PLG: variants seen among roughly 807,000 people sequenced by gnomAD.
The protein encoded by PLG is plasminogen, also known as plasmin.
PLG carries 41 observed loss-of-function variants against 104.4 expected under a neutral mutation model. That is an observed-to-expected ratio of 0.39 (90% CI 0.31 to 0.51). The LOEUF is 0.51. Among genes scored for constraint, PLG ranks in the 20% least tolerant of loss-of-function variants. The probability of loss-of-function intolerance (pLI) is 0.76; values close to 1 mark genes in which losing one functional copy is unlikely to be tolerated. For synonymous variants in PLG, 337 were observed against 357.1 expected (o/e 0.94, Z 0.63); for missense variants, 891 against 1,003.6 (o/e 0.89, Z 1.52).
In PLG at chr6:160,731,661, G is replaced by A; in HGVS notation, c.1439-84G>A. On this transcript the variant is annotated intron_variant, in intron 11 of 18. Transcript: ENST00000308192. The surrounding 1 kb of genome is among the most constrained non-coding windows in gnomAD (Gnocchi z 5.1). ...TGTGGCCCCTGATTCTGTCATCCTA[G>A]AGAAACCTGACATGACTGTATTGAT... The A allele has an allele frequency of 7.3e-7, 1 of 1,363,516 alleles. No individual in the cohort carries two copies. The highest frequency in any genetic ancestry group is 1.0e-6 in the Non-Finnish European group (1 of 952,910). The allele number at this position is 1,363,516 out of a possible 1,614,324, so 84.5% of individuals were successfully genotyped here. A position where few individuals can be genotyped will look rare whatever the true frequency, so the allele number is the denominator to read the frequency against.
At chr6:160,750,729 G>T (rs903687207) in intron 17 of PLG, among the ~76,000 whole-genome samples, 3 of 152,168 alleles carry the variant, frequency 2.0e-5, no homozygotes, top group African/African-American at 7.2e-5. Flanking sequence ...GCAGTCGAAG[G>T]CTTTGGGGAA....
intron 1 of PLG, among the ~76,000 whole-genome samples, chr6:160,704,591 T>C (rs1335166295): frequency 1.3e-5 from 2 of 152,202 alleles, no homozygotes; most frequent in African/African-American, 4.8e-5. Flanking sequence ...AAGTGCGGGG[T>C]AAAGACATGG....
intron 2 of PLG, among the ~76,000 whole-genome samples, chr6:160,706,951 T>TA (rs370504830): frequency 0.095 from 13,566 of 142,278 alleles, 959 homozygotes; most frequent in African/African-American, 0.2. Flanking sequence ...GATATAATGT[T>TA]AAAAAAAAAA....
chr6:160,727,386 C>T (rs554569116), intron 10 of PLG, among the ~76,000 whole-genome samples: 145 of 148,776 alleles, frequency 9.7e-4, no homozygotes, highest in Non-Finnish European at 3.4e-4. Flanking sequence ...TAAAAAAAAT[C>T]CAATTCTTCA....
Position 160,714,876 on chromosome 6 carries a change from C to T in PLG, c.630C>T (p.Asp210=). 1 of 1,613,714 alleles carries T rather than the reference C, an allele frequency of 6.2e-7. No individual in the cohort carries two copies. Among genetic ancestry groups the T allele is most frequent in the Non-Finnish European group, 8.5e-7 (1 of 1,179,660 alleles). The change falls in exon 6 of 19, where the codon GAC becomes GAT. Residue 210 remains aspartate, a synonymous_variant. Transcript: ENST00000308192. ...TMSGLECQAW[D]SQSPHAHGYI... is the part of the protein sequence containing the mutation. ...CTGGACTGGAATGCCAGGCCTGGGA[C>T]TCTCAGAGCCCACACGCTCATGGAT... is the stretch of plus-strand genomic sequence containing the variant.
chr6:160,735,990 G>C lies in PLG; in HGVS notation c.1682-897G>C, dbSNP rs1582946682. 6.6e-6 allele frequency among the ~76,000 whole-genome samples: 1 copy of C among 152,330 alleles called. No individual in the cohort carries two copies. The highest frequency in any genetic ancestry group is 6.5e-5 in the Admixed American group (1 of 15,306). Reference sequence around the variant, plus strand: ...CAGGTTCCAGATTCACTAGAGCATAGAATCTCTGGTTGGTTGGGAAGGAAT... The same window carrying C: ...CAGGTTCCAGATTCACTAGAGCATACAATCTCTGGTTGGTTGGGAAGGAAT... On this transcript the variant is annotated intron_variant, in intron 13 of 18. Transcript: ENST00000308192. This position sits in a 1 kb window ranked among gnomAD's most constrained non-coding sequence, Gnocchi z 5.4.
chr6:160,751,408 T>C (rs1341220299), intron 17 of PLG, among the ~76,000 whole-genome samples: 1 of 152,230 alleles, frequency 6.6e-6, no homozygotes, highest in Non-Finnish European at 1.5e-5. Flanking sequence ...CACAGGACTA[T>C]TGCGAGGATT....
Position 160,745,162 on chromosome 6 carries a change from C to T in PLG, c.2125+3745C>T, listed in dbSNP as rs192994228. 1.5e-4 allele frequency among the ~76,000 whole-genome samples: 23 copies of T among 152,160 alleles called. No homozygotes were observed. The East Asian group carries it at 4.3e-3, about 28-fold the overall frequency. ...GAAAGAGAGTTGTGTAGAGGTCTAT[C>T]AGATCCATTTGGTCCAATGCTGAGT... On this transcript the variant is annotated intron_variant, in intron 17 of 18. Transcript: ENST00000308192.
At position 160,739,402 on chromosome 6, in the gene PLG, G is replaced by A. The variant is rs911788479; in HGVS notation, c.2018+194G>A. ...GCTAGCTGTGCTCTTGAGAAAGGCAGCAGGACTCCGTTTTCTCATGTGGAA... is the reference window on the plus strand; with the variant it reads ...GCTAGCTGTGCTCTTGAGAAAGGCAACAGGACTCCGTTTTCTCATGTGGAA... On this transcript the variant is annotated intron_variant, in intron 16 of 18. Coordinates refer to ENST00000308192, the MANE Select transcript of PLG (RefSeq NM_000301.5). This position sits in a 1 kb window ranked among gnomAD's most constrained non-coding sequence, Gnocchi z 4.4. Among the ~76,000 whole-genome samples, 1 of 152,252 alleles carries A rather than the reference G, an allele frequency of 6.6e-6. No homozygotes were observed. Among genetic ancestry groups the A allele is most frequent in the African/African-American group, 2.4e-5 (1 of 41,544 alleles).
Position 160,739,095 on chromosome 6 carries a change from C to T in PLG, c.1905C>T (p.Val635=). The T allele has an allele frequency of 6.2e-7, 1 of 1,614,098 alleles. No individual in the cohort carries two copies. The highest frequency in any genetic ancestry group is 1.1e-5 in the South Asian group (1 of 91,062). The change falls in exon 16 of 19, where the codon GTC becomes GTT. Residue 635 remains valine (V), a synonymous_variant. Transcript: ENST00000308192. The surrounding 1 kb of genome is among the most constrained non-coding windows in gnomAD (Gnocchi z 4.4). The part of the protein sequence containing the change: ...EKSPRPSSYK[V]ILGAHQEVNL... ...CCCCAAGGCCTTCATCCTACAAGGT[C>T]ATCCTGGGTGCACACCAAGAAGTGA...
At chr6:160,714,038 C>T (rs1302931850) in intron 5 of PLG, among the ~76,000 whole-genome samples, 2 of 152,154 alleles carry the variant, frequency 1.3e-5, no homozygotes, top group African/African-American at 4.8e-5. Flanking sequence ...CACGGGGATC[C>T]TTTATTTGTA....
In PLG at chr6:160,731,686, T is replaced by A. The variant is rs1778001730; in HGVS notation, c.1439-59T>A. ...GAGAAACCTGACATGACTGTATTGA[T>A]TCCATATCATCCTGGGTCTCTGTGG... On this transcript the variant is annotated intron_variant, in intron 11 of 18. Coordinates refer to ENST00000308192, the MANE Select transcript of PLG (RefSeq NM_000301.5). This position sits in a 1 kb window ranked among gnomAD's most constrained non-coding sequence, Gnocchi z 5.1. 2 of 1,524,202 alleles carry A rather than the reference T, an allele frequency of 1.3e-6. No homozygotes were observed. The highest frequency in any genetic ancestry group is 1.8e-6 in the Non-Finnish European group (2 of 1,098,172). 94.4% of individuals were successfully genotyped at this position (1,524,202 alleles called of 1,614,324 possible).
chr6:160,742,721 C>T (rs1342104996), intron 17 of PLG, among the ~76,000 whole-genome samples: 4 of 152,026 alleles, frequency 2.6e-5, no homozygotes, highest in African/African-American at 4.8e-5. Flanking sequence ...AATTTTTGCC[C>T]GTTCCTATGT....
At position 160,706,883 on chromosome 6, in the gene PLG, T is replaced by C. The variant is rs188159767; in HGVS notation, c.185+341T>C. Among the ~76,000 whole-genome samples the C allele has an allele frequency of 1.0e-3, 159 of 151,878 alleles. 1 individual carries two copies. Among genetic ancestry groups the C allele is most frequent in the Non-Finnish European group, 2.5e-4 (17 of 67,964 alleles). ...TCCTAGATAGATCTGAGCAATGACTTATAGCTACAAGATCCAGTGCCTGCC... is the reference window on the plus strand; with the variant it reads ...TCCTAGATAGATCTGAGCAATGACTCATAGCTACAAGATCCAGTGCCTGCC... On this transcript the variant is annotated intron_variant, in intron 2 of 18. Transcript: ENST00000308192.
chr6:160,714,951 A>G (rs1777706120), intron 6 of PLG, 37 bp downstream of exon 6: 4 of 1,599,310 alleles, frequency 2.5e-6, no homozygotes, highest in African/African-American at 2.7e-5. Flanking sequence ...ATGTTTAATT[A>G]AGGCTCTGCA....
chr6:160,735,228 G>C lies in PLG; in HGVS notation c.1681+1140G>C, dbSNP rs1387515750. Among the ~76,000 whole-genome samples the C allele has an allele frequency of 1.3e-5, 2 of 152,114 alleles. No homozygotes were observed. The highest frequency in any genetic ancestry group is 2.9e-5 in the Non-Finnish European group (2 of 68,016). On this transcript the variant is annotated intron_variant, in intron 13 of 18. Coordinates refer to ENST00000308192, the MANE Select transcript of PLG (RefSeq NM_000301.5). This position sits in a 1 kb window ranked among gnomAD's most constrained non-coding sequence, Gnocchi z 5.4. Reference sequence around the variant, plus strand: ...GAGTCAGTTCCAGTTCTCCACTTCTGGCCCCATCTGGTACACACCACTGCC... The same window carrying C: ...GAGTCAGTTCCAGTTCTCCACTTCTCGCCCCATCTGGTACACACCACTGCC...
chr6:160,727,857 GA>G (rs1582942490), intron 10 of PLG, among the ~76,000 whole-genome samples: 2 of 151,900 alleles, frequency 1.3e-5, no homozygotes, highest in South Asian at 2.1e-4. Context: ...TTCTCTCTAA[GA>G]TTGGGAATAA....
intron 9 of PLG, among the ~76,000 whole-genome samples, chr6:160,720,420 T>C (rs1231656789): frequency 1.8e-5 from 2 of 112,744 alleles, no homozygotes; most frequent in Non-Finnish European, 3.7e-5. Flanking sequence ...CTTTTTTTTT[T>C]TTTTTTTTTT....
Position 160,723,149 on chromosome 6 carries a change from A to G in PLG, c.1256+582A>G, listed in dbSNP as rs1462269862. On this transcript the variant is annotated intron_variant, in intron 10 of 18. Coordinates refer to ENST00000308192, the MANE Select transcript of PLG (RefSeq NM_000301.5). The surrounding 1 kb of genome is among the most constrained non-coding windows in gnomAD (Gnocchi z 4.7). ...TATATATGTACACATATATGTGTGT[A>G]TATTAGAATATATATAACATAAATA... Among the ~76,000 whole-genome samples the G allele has an allele frequency of 4.7e-5, 7 of 148,344 alleles. No individual in the cohort carries two copies. Among genetic ancestry groups the G allele is most frequent in the East Asian group, 1.9e-4 (1 of 5,152 alleles).
Sources: allele counts gnomAD v4.1 joint callset (sites outside exome capture counted in the v4.1 genomes callset), GRCh38; gene constraint gnomAD v4.1.1; non-coding constraint Gnocchi (gnomAD v3.1); transcripts MANE v1.5; gene names NCBI Gene and HGNC (gene_info 2026-07-23, HGNC 2026-07-21).